CENPH: variants seen among roughly 807,000 people sequenced by gnomAD.
CENPH encodes centromere protein H.
Under a neutral mutation model 42.9 loss-of-function variants are expected in CENPH, and 40 were observed. The observed-to-expected ratio is 0.93, with a 90% confidence interval of 0.72 to 1.21. The LOEUF (loss-of-function observed/expected upper bound fraction) is 1.21. Ranked by LOEUF, CENPH falls within the 50% of genes most tolerant of loss-of-function variation. The pLI is 0.00. For missense variants in CENPH, 302 were observed against 292.9 expected (o/e 1.03, Z -0.23); for synonymous variants, 88 against 96.5 (o/e 0.91, Z 0.52).
Position 69,202,928 on chromosome 5 carries a change from G to T in CENPH, c.445G>T (p.Asp149Tyr), listed in dbSNP as rs1748080939. The change falls in exon 7 of 9, where the codon GAT (aspartate) becomes TAT (tyrosine). Residue 149 changes from aspartate to tyrosine, a missense_variant. Transcript: ENST00000283006. ...LIMKSQQESW[D>Y]LEEKLLDIRK... ...TTATTTTTAATAACAGGAATCTTGGGATTTAGAGGAAAAACTGCTTGATAT... is the reference window on the plus strand; with the variant it reads ...TTATTTTTAATAACAGGAATCTTGGTATTTAGAGGAAAAACTGCTTGATAT... The T allele has an allele frequency of 6.3e-7, 1 of 1,580,996 alleles. No individual in the cohort carries two copies. The highest frequency in any genetic ancestry group is 8.6e-7 in the Non-Finnish European group (1 of 1,156,496).
chr5:69,199,805 T>C (rs1050989555), intron 5 of CENPH, among the ~76,000 whole-genome samples: 2 of 152,120 alleles, frequency 1.3e-5, no homozygotes, highest in African/African-American at 2.4e-5. Context: ...CCAGTTTCAC[T>C]GTTGACACCA....
At chr5:69,208,067 TA>T in intron 7 of CENPH, 128 bp from the exon 8 acceptor site, 1 of 496,158 alleles carries the variant, frequency 2.0e-6, no homozygotes, top group Non-Finnish European at 3.5e-6. Context: ...AGTTGCAACC[TA>T]AAATGCTGCT....
In CENPH at chr5:69,197,066, A is replaced by G. The variant is rs867291251; in HGVS notation, c.328A>G (p.Thr110Ala). The G allele has an allele frequency of 1.3e-6, 2 of 1,577,140 alleles. No individual in the cohort carries two copies. The highest frequency in any genetic ancestry group is 1.4e-5 in the African/African-American group (1 of 72,704). The change falls in exon 5 of 9, where the codon ACT becomes GCT. Residue 110 changes from threonine (T) to alanine (A), a missense_variant. Transcript: ENST00000283006. ...TCCCTCTCATAGGATGAGACTTTCA[A>G]CTGCACTTAAAAAAAACCTGGAGAA... ...KLALDRMRLS[T>A]ALKKNLEKIS...
At chr5:69,197,657 T>C (rs1580225679) in intron 5 of CENPH, among the ~76,000 whole-genome samples, 1 of 151,478 alleles carries the variant, frequency 6.6e-6, no homozygotes, top group South Asian at 2.1e-4. Flanking sequence ...TGTTGTGGGG[T>C]TGGGGGAGTG....
chr5:69,200,112 C>CAAAAAAA (rs373894870), intron 5 of CENPH, among the ~76,000 whole-genome samples: 1 of 51,408 alleles, frequency 1.9e-5, no homozygotes. Context: ...GACTCTGTCT[C>CAAAAAAA]AAAAAAAAAA....
In CENPH at chr5:69,208,343, T is replaced by C. The variant is rs1748193764; in HGVS notation, c.635T>C (p.Ile212Thr). ...ATGGAGATAAAAATTACTACTGTTATTCAACATGTGTTCCAGGTAACATTT... is the reference window on the plus strand; with the variant it reads ...ATGGAGATAAAAATTACTACTGTTACTCAACATGTGTTCCAGGTAACATTT... ...LQMEIKITTVIQHVFQNLILG... is the reference protein window; with the variant it reads ...LQMEIKITTVTQHVFQNLILG... The change falls in exon 8 of 9, where the codon ATT (isoleucine) becomes ACT (threonine). Residue 212 changes from isoleucine (I) to threonine (T), a missense_variant. By Grantham distance (89) the Ile-to-Thr change is moderately conservative (BLOSUM62 -1). Coordinates refer to ENST00000283006, the MANE Select transcript of CENPH (RefSeq NM_022909.4). The C allele has an allele frequency of 1.3e-6, 2 of 1,592,692 alleles. No individual in the cohort carries two copies. The highest frequency in any genetic ancestry group is 1.1e-5 in the South Asian group (1 of 88,726).
At chr5:69,202,398 T>C (rs1271629414) in intron 5 of CENPH, 108 bp from the exon 6 acceptor site, 34 of 680,188 alleles carry the variant, frequency 5.0e-5, no homozygotes, top group Middle Eastern at 3.9e-4. Context: ...GTACGGTGGA[T>C]TTAATGAAAG....
Position 69,199,893 on chromosome 5 carries a change from G to A in CENPH, c.372-2613G>A, listed in dbSNP as rs554781420. ...TTTGGGAGGCCGAGGCAGGCGGATC[G>A]TCTGAGATCAGAAGTTCAAGACCAG... On this transcript the variant is annotated intron_variant, in intron 5 of 8. Transcript: ENST00000283006. Among the ~76,000 whole-genome samples, 8 of 151,996 alleles carry A rather than the reference G, an allele frequency of 5.3e-5. No homozygotes were observed. In the South Asian group the frequency reaches 6.2e-4, roughly 12 times the overall value.
rs372732261 is a variant in CENPH at position 69,207,932 on chromosome 5, A to G, written c.488-264A>G. ...GCCCTCATTACATGATGCCACTTGA[A>G]ACATCTGTAGACAGCTGTTATTGTC... On this transcript the variant is annotated intron_variant, in intron 7 of 8. Transcript: ENST00000283006. 1.9e-4 allele frequency: 41 copies of G among 211,554 alleles called. No homozygotes were observed. The East Asian group carries it at 3.6e-3, about 19-fold the overall frequency. 13.1% of individuals were successfully genotyped at this position (211,554 alleles called of 1,614,324 possible).
At chr5:69,195,332 TG>T (rs1747947267) in intron 3 of CENPH, among the ~76,000 whole-genome samples, 1 of 152,212 alleles carries the variant, frequency 6.6e-6, no homozygotes, top group African/African-American at 2.4e-5. Context: ...CCTAAAGTTC[TG>T]GGATTGTAGG....
rs190479560 is a variant in CENPH at position 69,191,344 on chromosome 5, C to G, written c.135-451C>G. Among the ~76,000 whole-genome samples, 596 of 152,260 alleles carry G rather than the reference C, an allele frequency of 3.9e-3. 5 individuals are homozygous for G. Among genetic ancestry groups the G allele is most frequent in the Non-Finnish European group, 7.0e-3 (478 of 68,024 alleles). ...TGGCTAACACGGTGAAACCCCATCT[C>G]TACTAAAAATACAAAAAATTAGCCG... On this transcript the variant is annotated intron_variant, in intron 1 of 8. Coordinates refer to ENST00000283006, the MANE Select transcript of CENPH (RefSeq NM_022909.4).
chr5:69,200,719 C>CTTTTTTTTTTTTTTTTTTTTTTTTTTTTT lies in CENPH; in HGVS notation c.372-1781_372-1753dup, dbSNP rs70992906. Among the ~76,000 whole-genome samples the CTTTTTTTTTTTTTTTTTTTTTTTTTTTTT allele has an allele frequency of 4.5e-4, 21 of 46,920 alleles. 7 individuals carry two copies. Among genetic ancestry groups the CTTTTTTTTTTTTTTTTTTTTTTTTTTTTT allele is most frequent in the Non-Finnish European group, 6.7e-4 (16 of 24,016 alleles). The allele number at this position is 46,920 out of a possible 152,430, so 30.8% of individuals were successfully genotyped here. A position where few individuals can be genotyped will look rare whatever the true frequency, so the allele number is the denominator to read the frequency against. On this transcript the variant is annotated intron_variant, in intron 5 of 8. Transcript: ENST00000283006. Reference sequence around the variant, plus strand: ...TCCCAAACTTTCTGAATCAGCGTATCTTTTTTTTTTTTTTTTTTTTTTTTT... The same window carrying CTTTTTTTTTTTTTTTTTTTTTTTTTTTTT: ...TCCCAAACTTTCTGAATCAGCGTATCTTTTTTTTTTTTTTTTTTTTTTTTTTTTTTTTTTTTTTTTTTTTTTTTTTTTTT...
chr5:69,194,569 C>A, intron 2 of CENPH, 78 bp from the exon 3 acceptor site: 1 of 768,022 alleles, frequency 1.3e-6, no homozygotes, highest in Non-Finnish European at 2.1e-6. Flanking sequence ...GTCTTTTGCC[C>A]TTGTGGCTTA....
intron 5 of CENPH, among the ~76,000 whole-genome samples, chr5:69,200,719 C>CTTTATT: frequency 2.1e-5 from 1 of 46,900 alleles, no homozygotes; most frequent in Non-Finnish European, 4.2e-5. Context: ...ATCAGCGTAT[C>CTTTATT]TTTTTTTTTT....
intron 4 of CENPH, among the ~76,000 whole-genome samples, chr5:69,196,426 C>T (rs1021018199): frequency 1.4e-4 from 21 of 152,278 alleles, no homozygotes; most frequent in African/African-American, 5.1e-4. Context: ...GGGTGGATCA[C>T]CTGAGGTCAG....
At chr5:69,202,897 AC>A in intron 6 of CENPH, 21 bp from the exon 7 acceptor site, 1 of 1,461,776 alleles carries the variant, frequency 6.8e-7, no homozygotes, top group Non-Finnish European at 9.5e-7. Flanking sequence ...ATGTGCTTTA[AC>A]TTTTTTATTT....
At chr5:69,200,719 CTTTTTTTTTTTTTTTT>C (rs70992906) in intron 5 of CENPH, among the ~76,000 whole-genome samples, 1,982 of 46,952 alleles carry the variant, frequency 0.042, 41 homozygotes, top group Middle Eastern at 0.079. Context: ...ATCAGCGTAT[CTTTTTTTTTTTTTTTT>C]TTTTTTTTTT....
intron 7 of CENPH, among the ~76,000 whole-genome samples, chr5:69,205,951 C>T (rs1224241296): frequency 5.3e-5 from 8 of 151,252 alleles, no homozygotes; most frequent in South Asian, 2.1e-4. Flanking sequence ...CCTCGTGATC[C>T]GCCCTCCTCG....
intron 7 of CENPH, among the ~76,000 whole-genome samples, chr5:69,205,643 A>AC (rs1167707472): frequency 2.8e-5 from 4 of 145,228 alleles, no homozygotes; most frequent in Non-Finnish European, 6.0e-5. Context: ...CATCCCTGAT[A>AC]GTTGGGACTA....
Sources: allele counts gnomAD v4.1 joint callset (sites outside exome capture counted in the v4.1 genomes callset), GRCh38; gene constraint gnomAD v4.1.1; transcripts MANE v1.5; gene names NCBI Gene and HGNC (gene_info 2026-07-23, HGNC 2026-07-21).